Variants in MSANTD3 observed in about 807,000 individuals in gnomAD.
MSANTD3 encodes myb/SANT-like DNA-binding domain-containing protein 3.
In MSANTD3, 11 loss-of-function variants were observed where a neutral mutation model predicts 27.7. The ratio of observed to expected loss-of-function variants is 0.40; its 90% CI spans 0.25 to 0.66. The LOEUF is 0.66. MSANTD3 is among the 30% of genes least tolerant of loss of function. The pLI is 0.41. For missense variants in MSANTD3, 250 were observed against 336.5 expected (o/e 0.74, Z 2.01); for synonymous variants, 131 against 127.2 (o/e 1.03, Z -0.20).
intron 1 of MSANTD3, among the ~76,000 whole-genome samples, chr9:100,436,340 A>T (rs1587785664): frequency 6.6e-6 from 1 of 152,244 alleles, no homozygotes; most frequent in East Asian, 1.9e-4. Flanking sequence ...CTGTTTTGTC[A>T]TGTATGATGC....
chr9:100,432,174 C>T (rs1836391576), intron 1 of MSANTD3, among the ~76,000 whole-genome samples: 1 of 152,030 alleles, frequency 6.6e-6, no homozygotes, highest in Admixed American at 6.6e-5. Flanking sequence ...TACATGGCTG[C>T]CTGGAGTGGG....
chr9:100,447,939 C>T (rs1055878022), intron 2 of MSANTD3, among the ~76,000 whole-genome samples: 15 of 151,984 alleles, frequency 9.9e-5, no homozygotes, highest in African/African-American at 3.6e-4. Flanking sequence ...GCCTGTAATC[C>T]CAGTATTCTG....
chr9:100,443,244 A>G (rs1485651266), intron 2 of MSANTD3, among the ~76,000 whole-genome samples: 1 of 151,980 alleles, frequency 6.6e-6, no homozygotes, highest in Non-Finnish European at 1.5e-5. Context: ...TACTAAAAAT[A>G]CAAAATTAGC....
intron 2 of MSANTD3, chr9:100,448,390 C>T: frequency 1.0e-6 from 1 of 985,092 alleles, no homozygotes; most frequent in Non-Finnish European, 1.2e-6. Context: ...TTTTCAGATC[C>T]AAAACTAGAA....
intron 2 of MSANTD3, among the ~76,000 whole-genome samples, chr9:100,449,826 A>T (rs540726558): frequency 5.3e-5 from 8 of 152,286 alleles, no homozygotes; most frequent in African/African-American, 1.9e-4. Flanking sequence ...AAGACTTGAG[A>T]AGGAGCAATC....
intron 2 of MSANTD3, chr9:100,448,380 T>C: frequency 1.0e-6 from 1 of 985,210 alleles, no homozygotes; most frequent in Non-Finnish European, 1.2e-6. Flanking sequence ...AAAGAAGACA[T>C]TTTCAGATCC....
intron 1 of MSANTD3, among the ~76,000 whole-genome samples, chr9:100,441,391 T>C (rs1349640416): frequency 6.6e-6 from 1 of 151,124 alleles, no homozygotes; most frequent in African/African-American, 2.4e-5. Flanking sequence ...CCCAGCACTT[T>C]GGGAGGCCGA....
At chr9:100,435,945 G>A (rs1024823809) in intron 1 of MSANTD3, among the ~76,000 whole-genome samples, 3 of 152,196 alleles carry the variant, frequency 2.0e-5, no homozygotes, top group Non-Finnish European at 4.4e-5. Flanking sequence ...GTAAATGTAT[G>A]CATTACAGTA....
rs145016173 is a variant in MSANTD3 at position 100,442,092 on chromosome 9, C to T, written c.154C>T (p.Leu52=). ...CCTTAAGCAGCGTACCTGGCAGGCG[C>T]TGGCCCACGAATACAACTCTCAGCC... is the stretch of plus-strand genomic sequence containing the variant. The part of the protein sequence containing the change: ...IALKQRTWQA[L]AHEYNSQPSV... Residue 52 remains leucine (L), a synonymous_variant, in exon 2 of 3, where the codon CTG becomes TTG. Transcript: ENST00000395067. The T allele has an allele frequency of 1.2e-6, 2 of 1,614,206 alleles. No homozygotes were observed. The highest frequency in any genetic ancestry group is 2.7e-5 in the African/African-American group (2 of 75,064).
intron 1 of MSANTD3, among the ~76,000 whole-genome samples, chr9:100,441,432 G>A (rs1250168622): frequency 2.0e-5 from 3 of 151,552 alleles, no homozygotes; most frequent in East Asian, 2.0e-4. Context: ...TCAGTAGTTC[G>A]AGACCAGCCT....
At chr9:100,431,601 T>C (rs1459027957) in intron 1 of MSANTD3, among the ~76,000 whole-genome samples, 1 of 150,888 alleles carries the variant, frequency 6.6e-6, no homozygotes, top group East Asian at 1.9e-4. Context: ...TGTGCCTGCG[T>C]CCCCACTCCC....
chr9:100,439,202 A>G (rs1450474557), intron 1 of MSANTD3, among the ~76,000 whole-genome samples: 1 of 152,200 alleles, frequency 6.6e-6, no homozygotes, highest in African/African-American at 2.4e-5. Flanking sequence ...CTTGGCGTCA[A>G]TTTGAAGGGT....
At chr9:100,442,494 A>C in intron 2 of MSANTD3, 138 bp downstream of exon 2, 18 of 1,350,648 alleles carry the variant, frequency 1.3e-5, no homozygotes, top group South Asian at 3.1e-5. Context: ...TCAAGATCTC[A>C]GGATTATATA....
chr9:100,431,542 G>GTA (rs1289387971), intron 1 of MSANTD3, among the ~76,000 whole-genome samples: 2 of 137,044 alleles, frequency 1.5e-5, no homozygotes, highest in African/African-American at 5.8e-5. Context: ...GCATCAAGCA[G>GTA]TACTCCCCCA....
chr9:100,450,465 A>G, intron 2 of MSANTD3, 92 bp from the exon 3 acceptor site: 1 of 1,200,802 alleles, frequency 8.3e-7, no homozygotes, highest in Middle Eastern at 2.5e-4. Context: ...ACATCCTGTA[A>G]TGAAGGACCC....
At chr9:100,442,491 C>A in intron 2 of MSANTD3, 135 bp downstream of exon 2, 1 of 1,380,032 alleles carries the variant, frequency 7.2e-7, no homozygotes, top group Non-Finnish European at 9.6e-7. Context: ...AATTCAAGAT[C>A]TCAGGATTAT....
intron 2 of MSANTD3, among the ~76,000 whole-genome samples, chr9:100,445,897 G>A (rs190064662): frequency 2.0e-3 from 298 of 152,138 alleles, no homozygotes; most frequent in Non-Finnish European, 3.7e-3. Context: ...TAACACTTAG[G>A]AATATATTGA....
Position 100,427,475 on chromosome 9 carries a change from G to C in MSANTD3, c.-34+82G>C, listed in dbSNP as rs560036473. On this transcript the variant is annotated intron_variant, in intron 1 of 2. Coordinates refer to ENST00000395067, the MANE Select transcript of MSANTD3 (RefSeq NM_080655.3). ...GCGGGCCGGGCGTAGAGGGGGCCGGGGGCCGGCATGGAGGGTTTTCGGGCC... is the reference window on the plus strand; with the variant it reads ...GCGGGCCGGGCGTAGAGGGGGCCGGCGGCCGGCATGGAGGGTTTTCGGGCC... The C allele has an allele frequency of 8.2e-4, 124 of 150,722 alleles. 1 individual carries two copies. The highest frequency in any genetic ancestry group is 2.8e-3 in the African/African-American group (116 of 41,288). The allele number at this position is 150,722 out of a possible 1,614,324, so 9.3% of individuals were successfully genotyped here. A position where few individuals can be genotyped will look rare whatever the true frequency, so the allele number is the denominator to read the frequency against.
intron 2 of MSANTD3, 41 bp downstream of exon 2, chr9:100,442,397 A>G: frequency 6.5e-7 from 1 of 1,545,088 alleles, no homozygotes; most frequent in Admixed American, 2.1e-5. Flanking sequence ...CTCACTGGGT[A>G]TCTGTTTGAC....
Sources: allele counts gnomAD v4.1 joint callset (sites outside exome capture counted in the v4.1 genomes callset), GRCh38; gene constraint gnomAD v4.1.1; transcripts MANE v1.5; gene names NCBI Gene and HGNC (gene_info 2026-07-23, HGNC 2026-07-21).